COQ8B: variants seen among roughly 807,000 people sequenced by gnomAD.
The protein encoded by COQ8B is coenzyme Q8B.
Under a neutral mutation model 62.0 loss-of-function variants are expected in COQ8B, and 44 were observed. The observed-to-expected ratio is 0.71, with a 90% CI of 0.56 to 0.91. COQ8B has a LOEUF of 0.91. Ranked by LOEUF, COQ8B falls within the 40% of genes least tolerant of loss-of-function variation. The pLI, the probability that COQ8B is intolerant of heterozygous loss-of-function variation, is 0.00. For synonymous variants in COQ8B, 252 were observed against 289.9 expected, an observed-to-expected ratio of 0.87 and a Z score of 1.33; for missense variants, 649 against 731.6, an observed-to-expected ratio of 0.89 and a Z score of 1.30.
chr19:40,694,631 C>T (rs1375455776), intron 13 of COQ8B, among the ~76,000 whole-genome samples: 1 of 152,226 alleles, frequency 6.6e-6, no homozygotes, highest in Admixed American at 6.5e-5. Context: ...AGAATCTGCA[C>T]TTGCACAGGA....
intron 1 of COQ8B, among the ~76,000 whole-genome samples, chr19:40,716,152 A>G (rs534107473): frequency 1.1e-3 from 171 of 151,838 alleles, no homozygotes; most frequent in South Asian, 2.3e-3. Flanking sequence ...CCTGCCTTCG[A>G]TTTCTCTCAT....
Position 40,714,084 on chromosome 19 carries a change from C to T in COQ8B, c.272G>A (p.Arg91His), listed in dbSNP as rs751395587. ...ERKVPASRIS[R>H]LANFGGLAVG... ...ACACCTACCCCCAAAGTTGGCCAAGCGGCTGATGCGGGAGGCAGGCACCTT... is the reference window on the plus strand; with the variant it reads ...ACACCTACCCCCAAAGTTGGCCAAGTGGCTGATGCGGGAGGCAGGCACCTT... The change falls in exon 4 of 15, where the codon CGC (arginine) becomes CAC (histidine). Residue 91 changes from arginine (R) to histidine (H), a missense_variant. Arg to His is a conservative substitution (Grantham distance 29). Coordinates refer to ENST00000324464, the MANE Select transcript of COQ8B (RefSeq NM_024876.4). 2.6e-5 allele frequency: 42 copies of T among 1,614,094 alleles called. No individual in the cohort carries two copies. The highest frequency in any genetic ancestry group is 3.0e-5 in the Non-Finnish European group (35 of 1,180,020).
At chr19:40,709,462 T>G (rs2082124354) in intron 5 of COQ8B, among the ~76,000 whole-genome samples, 1 of 152,248 alleles carries the variant, frequency 6.6e-6, no homozygotes, top group Admixed American at 6.5e-5. Flanking sequence ...CCATCTCTGA[T>G]GTACACAGAC....
intron 8 of COQ8B, 35 bp downstream of exon 8, chr19:40,703,680 T>C: frequency 6.2e-7 from 1 of 1,613,776 alleles, no homozygotes; most frequent in African/African-American, 1.3e-5. Context: ...GCTAGCAGGG[T>C]GCCCGCCCCT....
intron 5 of COQ8B, chr19:40,707,920 A>G (rs1199507097): frequency 6.6e-6 from 1 of 152,194 alleles, no homozygotes; most frequent in African/African-American, 2.4e-5. Context: ...GAGAGCAGCT[A>G]TTCTAGGGTT....
chr19:40,714,552 C>T lies in COQ8B; in HGVS notation c.81G>A (p.Leu27=). 1 of 1,613,402 alleles carries T rather than the reference C, an allele frequency of 6.2e-7. No homozygotes were observed. Among genetic ancestry groups the T allele is most frequent in the Non-Finnish European group, 8.5e-7 (1 of 1,179,812 alleles). Residue 27 remains leucine, a synonymous_variant, in exon 2 of 15, where the codon CTG becomes CTA. Transcript: ENST00000324464. ...GQTVGWPCGA[L]GPGPHRWGPC... Reference sequence around the variant, plus strand: ...TTACCCAGCGGTGGGGCCCAGGCCCCAGGGCCCCACAAGGCCAACCAACAG... The same window carrying T: ...TTACCCAGCGGTGGGGCCCAGGCCCTAGGGCCCCACAAGGCCAACCAACAG...
chr19:40,710,150 G>T lies in COQ8B; in HGVS notation c.290-14C>A. 6.2e-7 allele frequency: 1 copy of T among 1,613,794 alleles called. No homozygotes were observed. The highest frequency in any genetic ancestry group is 8.5e-7 in the Non-Finnish European group (1 of 1,179,720). On this transcript the variant is annotated splice_polypyrimidine_tract_variant and intron_variant, in intron 4 of 14. Coordinates refer to ENST00000324464, the MANE Select transcript of COQ8B (RefSeq NM_024876.4). ...CCACAGCCAGTCCTGGAGTGCAAGAGAAGAACATGAGTGCCCGTTTGCCTG... is the reference window on the plus strand; with the variant it reads ...CCACAGCCAGTCCTGGAGTGCAAGATAAGAACATGAGTGCCCGTTTGCCTG...
intron 1 of COQ8B, chr19:40,715,734 C>T (rs1341817906): frequency 1.6e-5 from 8 of 489,802 alleles, no homozygotes; most frequent in Non-Finnish European, 1.9e-5. Flanking sequence ...TGGGAGCCCT[C>T]TGCTTCCTGT....
intron 12 of COQ8B, among the ~76,000 whole-genome samples, chr19:40,699,138 T>C (rs560825411): frequency 6.1e-4 from 92 of 151,824 alleles, no homozygotes; most frequent in African/African-American, 2.1e-3. Flanking sequence ...TTTTTTTTTT[T>C]CTTTGGTGAG....
intron 7 of COQ8B, chr19:40,704,851 G>A (rs2082087902): frequency 2.1e-6 from 1 of 485,512 alleles, no homozygotes; most frequent in Non-Finnish European, 3.7e-6. Flanking sequence ...CCTATGATGT[G>A]GGTGTGGCTG....
intron 13 of COQ8B, 40 bp from the exon 14 acceptor site, chr19:40,693,077 G>A (rs1190611642): frequency 1.3e-6 from 2 of 1,555,344 alleles, no homozygotes; most frequent in Non-Finnish European, 1.8e-6. Context: ...AAAGGCCGGG[G>A]CTCAAGGGGG....
chr19:40,706,833 A>G (rs2082104385), intron 5 of COQ8B, among the ~76,000 whole-genome samples: 1 of 152,226 alleles, frequency 6.6e-6, no homozygotes, highest in Admixed American at 6.5e-5. Flanking sequence ...AGCTCTTTGG[A>G]GGCTCATTCT....
Position 40,700,442 on chromosome 19 carries a change from C to T in COQ8B, c.903G>A (p.Leu301=), listed in dbSNP as rs766123718. The change falls in exon 11 of 15, where the codon CTG becomes CTA. Residue 301 remains leucine, a synonymous_variant. Transcript: ENST00000324464. ...GGACCCGGAAGAAGGGGTCATTTGC[C>T]AGCAGCTGCCTGGGGCAGAAGGAAA... The part of the protein sequence containing the change: ...AACAQNFRQL[L]ANDPFFRVPA... 1.9e-6 allele frequency: 3 copies of T among 1,613,300 alleles called. No individual in the cohort carries two copies. Among genetic ancestry groups the T allele is most frequent in the East Asian group, 4.5e-5 (2 of 44,884 alleles).
intron 13 of COQ8B, among the ~76,000 whole-genome samples, chr19:40,695,175 G>C (rs60481796): frequency 6.6e-6 from 1 of 151,918 alleles, no homozygotes; most frequent in South Asian, 2.1e-4. Flanking sequence ...AAAATTAGCC[G>C]GGCGTGGTGG....
chr19:40,705,714 G>A (rs1404149640), intron 5 of COQ8B, among the ~76,000 whole-genome samples: 2 of 152,214 alleles, frequency 1.3e-5, no homozygotes, highest in Non-Finnish European at 2.9e-5. Context: ...GGTCAATGCA[G>A]GAGGATGGCT....
intron 12 of COQ8B, among the ~76,000 whole-genome samples, chr19:40,697,879 T>TG (rs1196010808): frequency 1.0e-3 from 39 of 38,160 alleles, no homozygotes; most frequent in South Asian, 2.2e-3. Flanking sequence ...GAGAGAGAGT[T>TG]TCTACTGGGC....
chr19:40,710,244 T>C, intron 4 of COQ8B, 108 bp from the exon 5 acceptor site: 1 of 1,067,000 alleles, frequency 9.4e-7, no homozygotes, highest in Non-Finnish European at 1.4e-6. Flanking sequence ...CCCAACTCTT[T>C]TTATTTTTTC....
chr19:40,703,209 G>A (rs539483772), intron 9 of COQ8B, among the ~76,000 whole-genome samples: 7 of 151,934 alleles, frequency 4.6e-5, no homozygotes, highest in South Asian at 4.2e-4. Flanking sequence ...TTCTCTAGGC[G>A]CCTCCTCACG....
chr19:40,700,514 C>T (rs1389427605), intron 10 of COQ8B, 63 bp from the exon 11 acceptor site: 6 of 1,566,848 alleles, frequency 3.8e-6, no homozygotes, highest in African/African-American at 1.3e-5. Context: ...CAGCTTGAGA[C>T]CTCCTCCTTG....
Sources: allele counts gnomAD v4.1 joint callset (sites outside exome capture counted in the v4.1 genomes callset), GRCh38; gene constraint gnomAD v4.1.1; transcripts MANE v1.5; gene names NCBI Gene and HGNC (gene_info 2026-07-23, HGNC 2026-07-21).